DIS3L2: variants seen among roughly 807,000 people sequenced by gnomAD.
DIS3L2 encodes DIS3 like 3'-5' exoribonuclease 2, also known as DIS3-like exonuclease 2.
A neutral mutation model predicts 97.5 loss-of-function variants in DIS3L2; 34 were observed. The ratio of observed to expected loss-of-function variants is 0.35; its 90% confidence interval spans 0.27 to 0.46. The LOEUF (loss-of-function observed/expected upper bound fraction) is 0.46. DIS3L2 is among the 20% of genes least tolerant of loss of function. The probability of loss-of-function intolerance (pLI) is 1.00; values close to 1 mark genes in which losing one functional copy is unlikely to be tolerated. For missense variants in DIS3L2, 1,038 were observed against 1,146.0 expected (o/e 0.91, Z 1.36); for synonymous variants, 435 against 445.2 (o/e 0.98, Z 0.29).
At chr2:232,208,986 A>G (rs1187585341) in intron 9 of DIS3L2, among the ~76,000 whole-genome samples, 1 of 152,190 alleles carries the variant, frequency 6.6e-6, no homozygotes, top group African/African-American at 2.4e-5. Context: ...CATACAAAAA[A>G]AAAGGTTATT....
intron 5 of DIS3L2, among the ~76,000 whole-genome samples, chr2:232,083,178 G>T (rs1055673200): frequency 4.0e-5 from 6 of 151,598 alleles, no homozygotes. Context: ...AAACCATGTC[G>T]CCTTCTCTTC....
chr2:232,035,063 G>A (rs912387524), intron 5 of DIS3L2, among the ~76,000 whole-genome samples: 2 of 152,042 alleles, frequency 1.3e-5, no homozygotes, highest in African/African-American at 2.4e-5. Context: ...GTTATTGACA[G>A]TGTCTTTTTG....
intron 1 of DIS3L2, among the ~76,000 whole-genome samples, chr2:231,978,234 C>A (rs948656032): frequency 6.6e-6 from 1 of 152,204 alleles, no homozygotes; most frequent in African/African-American, 2.4e-5. Context: ...TACACAACCA[C>A]CAGATTAAGA....
chr2:232,092,341 T>C (rs1428169265), intron 6 of DIS3L2, among the ~76,000 whole-genome samples: 2 of 152,200 alleles, frequency 1.3e-5, no homozygotes, highest in African/African-American at 4.8e-5. Context: ...AGTCTGGTAA[T>C]CTGATTCCTC....
intron 13 of DIS3L2, among the ~76,000 whole-genome samples, chr2:232,280,984 T>G (rs908977926): frequency 3.3e-5 from 5 of 152,152 alleles, no homozygotes; most frequent in East Asian, 1.9e-4. Flanking sequence ...TGGGTTGGTT[T>G]GTTCTGGAAT....
chr2:232,118,561 T>C (rs1574889141), intron 6 of DIS3L2, among the ~76,000 whole-genome samples: 1 of 152,328 alleles, frequency 6.6e-6, no homozygotes, highest in East Asian at 1.9e-4. Flanking sequence ...CACAACAGTC[T>C]TGTATTTAGC....
chr2:232,195,838 A>C (rs544320491), intron 9 of DIS3L2, among the ~76,000 whole-genome samples: 311 of 152,282 alleles, frequency 2.0e-3, no homozygotes, highest in Non-Finnish European at 3.5e-3. Context: ...CTGGCTGCAT[A>C]TCTCTTAAAC....
At chr2:232,322,986 C>T (rs528773035) in intron 14 of DIS3L2, among the ~76,000 whole-genome samples, 6 of 152,232 alleles carry the variant, frequency 3.9e-5, no homozygotes, top group Non-Finnish European at 5.9e-5. Flanking sequence ...TGGCCAGGAG[C>T]AAGCAGGGCA....
At chr2:232,079,170 T>A (rs1696307231) in intron 5 of DIS3L2, among the ~76,000 whole-genome samples, 1 of 152,232 alleles carries the variant, frequency 6.6e-6, no homozygotes, top group Non-Finnish European at 1.5e-5. Context: ...TACTAAATGC[T>A]GCTCTCAACT....
intron 9 of DIS3L2, among the ~76,000 whole-genome samples, chr2:232,203,856 A>G (rs1027224396): frequency 6.6e-6 from 1 of 152,214 alleles, no homozygotes; most frequent in Non-Finnish European, 1.5e-5. Context: ...GGTCTTAGAC[A>G]TTGGAGATTG....
chr2:232,099,409 T>G lies in DIS3L2; in HGVS notation c.601+11688T>G, dbSNP rs570636298. 3.3e-5 allele frequency among the ~76,000 whole-genome samples: 5 copies of G among 151,924 alleles called. No homozygotes were observed. The East Asian group carries it at 9.7e-4, about 29-fold the overall frequency. ...TTTTGTATTTTTAGTACAGACGGGG[T>G]TTTGCCATGTTGTCCAGGCTGGTCT... is the stretch of plus-strand genomic sequence containing the variant. On this transcript the variant is annotated intron_variant, in intron 6 of 20. Transcript: ENST00000325385.
chr2:232,163,167 C>G (rs1484516649), intron 8 of DIS3L2, among the ~76,000 whole-genome samples: 2 of 152,038 alleles, frequency 1.3e-5, no homozygotes, highest in Non-Finnish European at 2.9e-5. Context: ...TTTGACTTCT[C>G]TGTGAAGAAC....
chr2:232,103,464 A>G (rs1697262613), intron 6 of DIS3L2, among the ~76,000 whole-genome samples: 1 of 152,172 alleles, frequency 6.6e-6, no homozygotes, highest in Non-Finnish European at 1.5e-5. Flanking sequence ...CTCTTTCAAG[A>G]TGCTGTTTTT....
rs560997822 is a variant in DIS3L2 at position 232,169,759 on chromosome 2, G to T, written c.1124+6127G>T. ...GCTACATAAGAACTTCTACATACCC[G>T]TTTAGGTTTGGTATTTGAACAATTA... On this transcript the variant is annotated intron_variant, in intron 9 of 20. Transcript: ENST00000325385. Among the ~76,000 whole-genome samples the T allele has an allele frequency of 5.8e-4, 88 of 152,170 alleles. 3 individuals carry two copies. The South Asian group carries it at 0.017, about 30-fold the overall frequency.
At chr2:232,231,095 ACTAT>A (rs1692780298) in intron 10 of DIS3L2, among the ~76,000 whole-genome samples, 1 of 152,148 alleles carries the variant, frequency 6.6e-6, no homozygotes, top group Non-Finnish European at 1.5e-5. Flanking sequence ...AGTCCTTTTT[ACTAT>A]CTAAGTAATC....
intron 14 of DIS3L2, among the ~76,000 whole-genome samples, chr2:232,312,332 G>C (rs1470049101): frequency 6.6e-6 from 1 of 152,028 alleles, no homozygotes; most frequent in African/African-American, 2.4e-5. Context: ...TTTCATATGG[G>C]TATCTGTTGA....
At chr2:232,018,648 A>C (rs1214976236) in intron 3 of DIS3L2, among the ~76,000 whole-genome samples, 2 of 151,900 alleles carry the variant, frequency 1.3e-5, no homozygotes, top group Non-Finnish European at 2.9e-5. Context: ...ATCTCTTTTG[A>C]CCTCTTTTTT....
intron 1 of DIS3L2, among the ~76,000 whole-genome samples, chr2:231,970,543 A>G (rs1329253155): frequency 2.0e-5 from 3 of 152,184 alleles, no homozygotes; most frequent in Non-Finnish European, 4.4e-5. Flanking sequence ...TATACATAGA[A>G]AAGGTACAGT....
intron 10 of DIS3L2, among the ~76,000 whole-genome samples, chr2:232,234,748 G>A (rs1457843097): frequency 6.6e-6 from 1 of 152,224 alleles, no homozygotes; most frequent in Non-Finnish European, 1.5e-5. Context: ...ATATACTTGA[G>A]TTATCACACG....
Sources: allele counts gnomAD v4.1 joint callset (sites outside exome capture counted in the v4.1 genomes callset), GRCh38; gene constraint gnomAD v4.1.1; transcripts MANE v1.5; gene names NCBI Gene and HGNC (gene_info 2026-07-23, HGNC 2026-07-21).